Variants in BCR observed in about 807,000 individuals in gnomAD.
BCR encodes the protein BCR activator of RhoGEF and GTPase.
In BCR, 58 loss-of-function variants were observed where a neutral mutation model predicts 138.6. That is an observed-to-expected ratio of 0.42 (90% confidence interval 0.34 to 0.52). BCR has a LOEUF of 0.52. Ranked by LOEUF, BCR falls within the 20% of genes least tolerant of loss-of-function variation. The pLI is 0.06. For synonymous variants in BCR, 786 were observed against 730.1 expected (o/e 1.08, Z -1.23); for missense variants, 1,599 against 1,727.2 (o/e 0.93, Z 1.32).
rs570285273 is a variant in BCR, at chr22:23,185,688, C to T, written c.1279+3449C>T. ...CTCAAAAAACAAACAAAAAACTATG[C>T]GGAACTCACAGAAGGAGAGTGTGGT... is the stretch of plus-strand genomic sequence containing the variant. On this transcript the variant is annotated intron_variant, in intron 1 of 22. Transcript: ENST00000305877. Among the ~76,000 whole-genome samples, 11 of 149,896 alleles carry T rather than the reference C, an allele frequency of 7.3e-5. No homozygotes were observed. The South Asian group carries it at 2.1e-3, about 29-fold the overall frequency.
chr22:23,237,610 A>G (rs1894280), intron 1 of BCR, among the ~76,000 whole-genome samples: 152,364 of 152,364 alleles, frequency 1, 76,182 homozygotes, highest in Non-Finnish European at 1. Context: ...CCAGGGGAGT[A>G]AGGAAAGCTC....
intron 16 of BCR, among the ~76,000 whole-genome samples, chr22:23,303,081 A>G (rs1393996064): frequency 6.6e-6 from 1 of 151,114 alleles, no homozygotes; most frequent in African/African-American, 2.4e-5. Flanking sequence ...TGGCTCAGCA[A>G]TTTCTAGTGC....
intron 16 of BCR, among the ~76,000 whole-genome samples, chr22:23,301,322 C>G (rs11703966): frequency 6.6e-6 from 1 of 152,146 alleles, no homozygotes; most frequent in South Asian, 2.1e-4. Context: ...CAGAAAAAAC[C>G]TGAAGAAATT....
chr22:23,182,507 A>G (rs1404963820), intron 1 of BCR, among the ~76,000 whole-genome samples: 1 of 152,170 alleles, frequency 6.6e-6, no homozygotes, highest in African/African-American at 2.4e-5. Flanking sequence ...TTCTAGAGCA[A>G]TGTGTTTGTG....
chr22:23,221,216 C>G lies in BCR; in HGVS notation c.1280-32583C>G, dbSNP rs935895810. ...GGATGGCGATGCAGATGGAAGATGACCTGCTCATGCATCAGGCCGAGACTT... is the reference window on the plus strand; with the variant it reads ...GGATGGCGATGCAGATGGAAGATGAGCTGCTCATGCATCAGGCCGAGACTT... On this transcript the variant is annotated intron_variant, in intron 1 of 22. Coordinates refer to ENST00000305877, the MANE Select transcript of BCR (RefSeq NM_004327.4). Among the ~76,000 whole-genome samples, 11 of 152,290 alleles carry G rather than the reference C, an allele frequency of 7.2e-5. No homozygotes were observed. In the East Asian group the frequency reaches 1.2e-3, roughly 16 times the overall value.
chr22:23,262,862 A>C lies in BCR; in HGVS notation c.1752+1322A>C, dbSNP rs181235192. 7.0e-5 allele frequency: 73 copies of C among 1,049,228 alleles called. 1 individual carries two copies. The East Asian group carries it at 5.6e-3, about 81-fold the overall frequency. The allele number at this position is 1,049,228 out of a possible 1,614,324, so 65.0% of individuals were successfully genotyped here. A position where few individuals can be genotyped will look rare whatever the true frequency, so the allele number is the denominator to read the frequency against. On this transcript the variant is annotated intron_variant, in intron 4 of 22. Coordinates refer to ENST00000305877, the MANE Select transcript of BCR (RefSeq NM_004327.4). ...AGGGCGGAAGGGAAGCCCGGGCCGC[A>C]GACGGCGAAGGAGGCAGCGGGCCGG...
At chr22:23,223,599 T>A (rs1300943480) in intron 1 of BCR, among the ~76,000 whole-genome samples, 1 of 152,112 alleles carries the variant, frequency 6.6e-6, no homozygotes, top group Non-Finnish European at 1.5e-5. Flanking sequence ...AGGCTGCCGG[T>A]GCAGGGGGTA....
intron 9 of BCR, among the ~76,000 whole-genome samples, chr22:23,284,377 C>T (rs1035744957): frequency 2.6e-5 from 4 of 152,048 alleles, no homozygotes; most frequent in African/African-American, 7.2e-5. Flanking sequence ...ATCCGGGAAG[C>T]GTGAGATCAG....
chr22:23,281,120 A>T (rs1050691077), intron 8 of BCR, among the ~76,000 whole-genome samples: 4 of 152,240 alleles, frequency 2.6e-5, no homozygotes, highest in African/African-American at 9.6e-5. Context: ...ACACACAGGG[A>T]CACACAGACG....
chr22:23,254,751 C>G (rs977026331), intron 2 of BCR, among the ~76,000 whole-genome samples: 17 of 152,244 alleles, frequency 1.1e-4, no homozygotes, highest in South Asian at 2.1e-4. Context: ...CACTTGACCT[C>G]TTGGGTTCCT....
intron 1 of BCR, among the ~76,000 whole-genome samples, chr22:23,185,275 A>G (rs2072324538): frequency 1.3e-5 from 2 of 152,166 alleles, no homozygotes; most frequent in South Asian, 4.1e-4. Context: ...CTACCTGCAA[A>G]GCACAACTGG....
In BCR at chr22:23,261,363, G is replaced by A. The variant is rs771407167; in HGVS notation, c.1575G>A (p.Lys525=). Reference sequence around the variant, plus strand: ...CTTGTGCCCTCTTCCAGCCCATGAAGCCTTTGAAAGCCGCTGCCACCACCT... The same window carrying A: ...CTTGTGCCCTCTTCCAGCCCATGAAACCTTTGAAAGCCGCTGCCACCACCT... ...SHLEALLLPM[K]PLKAAATTSQ... Residue 525 remains lysine (K), a synonymous_variant, in exon 4 of 23, where the codon AAG becomes AAA. Transcript: ENST00000305877. 1.7e-5 allele frequency: 28 copies of A among 1,612,148 alleles called. No individual in the cohort carries two copies. The highest frequency in any genetic ancestry group is 2.3e-5 in the Non-Finnish European group (27 of 1,179,220).
At position 23,253,658 on chromosome 22, in the gene BCR, A is replaced by AGG. The variant is rs1236123289; in HGVS notation, c.1280-138_1280-137dup. On this transcript the variant is annotated intron_variant, in intron 1 of 22. Coordinates refer to ENST00000305877, the MANE Select transcript of BCR (RefSeq NM_004327.4). ...GTGGTCTTTGACCAGTCAGTTGTGA[A>AGG]GGGGACGTCAGCATACCCGAGGTCG... 28 of 893,534 alleles carry AGG rather than the reference A, an allele frequency of 3.1e-5. 1 individual carries two copies. The highest frequency in any genetic ancestry group is 2.5e-5 in the Non-Finnish European group (15 of 589,588). 55.4% of individuals were successfully genotyped at this position (893,534 alleles called of 1,614,324 possible).
chr22:23,233,705 G>T (rs968674205), intron 1 of BCR, among the ~76,000 whole-genome samples: 3 of 150,756 alleles, frequency 2.0e-5, no homozygotes, highest in Admixed American at 6.7e-5. Context: ...CACAAGAATC[G>T]CTTGAACCCA....
In BCR at chr22:23,263,979, G is replaced by A. The variant is rs560902496; in HGVS notation, c.1752+2439G>A. The A allele has an allele frequency of 3.7e-5, 33 of 889,662 alleles. No individual in the cohort carries two copies. In the South Asian group the frequency reaches 4.0e-4, roughly 11 times the overall value. The allele number at this position is 889,662 out of a possible 1,614,324, so 55.1% of individuals were successfully genotyped here. On this transcript the variant is annotated intron_variant, in intron 4 of 22. Transcript: ENST00000305877. ...CAGTGGGCAGCTGATGACACACTTGGACAGAGACTTTCCCCCAAGGGCTGG... is the reference window on the plus strand; with the variant it reads ...CAGTGGGCAGCTGATGACACACTTGAACAGAGACTTTCCCCCAAGGGCTGG...
At chr22:23,223,743 G>C (rs979214143) in intron 1 of BCR, among the ~76,000 whole-genome samples, 8 of 152,190 alleles carry the variant, frequency 5.3e-5, no homozygotes, top group African/African-American at 1.9e-4. Flanking sequence ...GAGATTTCAG[G>C]TTTTGTTTCT....
chr22:23,263,654 G>A (rs943790937), intron 4 of BCR: 1 of 1,456,500 alleles, frequency 6.9e-7, no homozygotes, highest in African/African-American at 1.4e-5. Flanking sequence ...GTCAGTGCAG[G>A]AGGAGATGGG....
chr22:23,277,657 G>A (rs2073594038), intron 8 of BCR, among the ~76,000 whole-genome samples: 1 of 152,176 alleles, frequency 6.6e-6, no homozygotes, highest in Admixed American at 6.5e-5. Context: ...CTCCTGGGAG[G>A]TGGCCCATTG....
Position 23,312,984 on chromosome 22 carries a change from C to G in BCR, c.3420C>G (p.Phe1140Leu). The G allele has an allele frequency of 1.3e-6, 2 of 1,589,994 alleles. No individual in the cohort carries two copies. The highest frequency in any genetic ancestry group is 2.7e-5 in the African/African-American group (2 of 74,870). ...LYFRELPEPL[F>L]TDEFYPNFAE... ...TCCGTGAGCTGCCCGAGCCCCTCTT[C>G]ACTGACGAGTTCTACCCCAACTTCG... Residue 1140 changes from phenylalanine to leucine, a missense_variant, in exon 20 of 23, where the codon TTC becomes TTG. Physicochemically the swap from Phe to Leu is conservative, Grantham distance 22. Around this residue, in one of 4 missense-constraint regions of BCR, gnomAD observed 177 missense variants for 226.4 expected, o/e 0.78. Coordinates refer to ENST00000305877, the MANE Select transcript of BCR (RefSeq NM_004327.4).
Sources: allele counts gnomAD v4.1 joint callset (sites outside exome capture counted in the v4.1 genomes callset), GRCh38; gene constraint gnomAD v4.1.1; regional missense constraint gnomAD v4.1.1; transcripts MANE v1.5; gene names NCBI Gene and HGNC (gene_info 2026-07-23, HGNC 2026-07-21).